Variants in KAT2B observed in about 807,000 individuals in gnomAD.
KAT2B encodes lysine acetyltransferase 2B.
KAT2B carries 36 observed loss-of-function variants against 105.9 expected under a neutral mutation model. The ratio of observed to expected loss-of-function variants is 0.34; its 90% confidence interval spans 0.26 to 0.45. KAT2B has a LOEUF of 0.45. KAT2B is among the 20% of genes least tolerant of loss of function. KAT2B has a pLI of 1.00. For missense variants in KAT2B, 820 were observed against 1,021.6 expected (o/e 0.80, Z 2.69); for synonymous variants, 397 against 377.9 (o/e 1.05, Z -0.59).
At chr3:20,068,408 C>T (rs1325864554) in intron 1 of KAT2B, among the ~76,000 whole-genome samples, 4 of 149,948 alleles carry the variant, frequency 2.7e-5, no homozygotes, top group South Asian at 2.1e-4. Flanking sequence ...CTGTGTTTCC[C>T]TTATACTAGA....
intron 1 of KAT2B, among the ~76,000 whole-genome samples, chr3:20,071,252 C>G (rs1428851890): frequency 6.6e-6 from 1 of 152,132 alleles, no homozygotes; most frequent in Non-Finnish European, 1.5e-5. Context: ...TGCTCAATAG[C>G]CACATGTGGC....
chr3:20,093,777 C>T, intron 2 of KAT2B, among the ~76,000 whole-genome samples: 1 of 152,288 alleles, frequency 6.6e-6, no homozygotes, highest in South Asian at 2.1e-4. Flanking sequence ...TAGAGCTATA[C>T]CTAAGAGGAT....
At chr3:20,044,415 TA>T (rs35278480) in intron 1 of KAT2B, among the ~76,000 whole-genome samples, 21 of 145,200 alleles carry the variant, frequency 1.4e-4, no homozygotes, top group African/African-American at 1.5e-4. Context: ...AGATTCTCCC[TA>T]AAAAAAAAAA....
In KAT2B at chr3:20,052,670, A is replaced by G. The variant is rs1202268678; in HGVS notation, c.303+11890A>G. ...CATCTCTTAAAAAAAAGAAAAAAAA[A>G]AAAGAGAGAAAAAGAGGCCGGGCAC... On this transcript the variant is annotated intron_variant, in intron 1 of 17. Transcript: ENST00000263754. 4.0e-5 allele frequency among the ~76,000 whole-genome samples: 6 copies of G among 151,652 alleles called. No individual in the cohort carries two copies. In the East Asian group the frequency reaches 1.2e-3, roughly 29 times the overall value.
At chr3:20,100,085 A>G (rs1034195813) in intron 4 of KAT2B, 131 bp downstream of exon 4, 1 of 596,490 alleles carries the variant, frequency 1.7e-6, no homozygotes, top group African/African-American at 1.9e-5. Flanking sequence ...GTCTGTGGAA[A>G]TTGTCCTGGA....
At chr3:20,109,458 AG>A (rs1469945566) in intron 5 of KAT2B, among the ~76,000 whole-genome samples, 1 of 152,186 alleles carries the variant, frequency 6.6e-6, no homozygotes. Flanking sequence ...CTAGGAATAT[AG>A]GTATGTGCCA....
intron 1 of KAT2B, among the ~76,000 whole-genome samples, chr3:20,071,525 A>G (rs1698321997): frequency 6.6e-6 from 1 of 152,238 alleles, no homozygotes; most frequent in African/African-American, 2.4e-5. Context: ...GCTGAAGCAT[A>G]CAGTGTGGTA....
At chr3:20,116,911 G>T (rs1368536162) in intron 7 of KAT2B, among the ~76,000 whole-genome samples, 1 of 152,168 alleles carries the variant, frequency 6.6e-6, no homozygotes, top group African/African-American at 2.4e-5. Context: ...ACTGTATTAA[G>T]AGAGCCAGAA....
At chr3:20,144,941 G>A (rs776232228) in intron 13 of KAT2B, among the ~76,000 whole-genome samples, 8 of 151,766 alleles carry the variant, frequency 5.3e-5, no homozygotes, top group Non-Finnish European at 1.0e-4. Context: ...GATTACAGGC[G>A]TGCACTACCA....
At chr3:20,106,197 C>A (rs1200019576) in intron 5 of KAT2B, among the ~76,000 whole-genome samples, 1 of 152,188 alleles carries the variant, frequency 6.6e-6, no homozygotes, top group Non-Finnish European at 1.5e-5. Context: ...TGTGAAAAAT[C>A]TGGGAGTTAT....
At position 20,110,130 on chromosome 3, in the gene KAT2B, C is replaced by T. The variant is rs982206523; in HGVS notation, c.852-1466C>T. ...TGGGAGCTTTTTGTAGCAGCTTGGG[C>T]GCATTAGAAAGCTGTCTCCCATTTG... On this transcript the variant is annotated intron_variant, in intron 5 of 17. Transcript: ENST00000263754. Among the ~76,000 whole-genome samples the T allele has an allele frequency of 3.5e-4, 54 of 152,142 alleles. 1 individual carries two copies. The highest frequency in any genetic ancestry group is 6.8e-3 in the Middle Eastern group (2 of 294).
intron 2 of KAT2B, among the ~76,000 whole-genome samples, chr3:20,074,011 A>G (rs1280714408): frequency 6.6e-6 from 1 of 152,194 alleles, no homozygotes; most frequent in Admixed American, 6.5e-5. Context: ...AAAAAAGCCA[A>G]CTTTGTTTCC....
At chr3:20,103,606 G>A (rs1022926545) in intron 5 of KAT2B, among the ~76,000 whole-genome samples, 1 of 151,834 alleles carries the variant, frequency 6.6e-6, no homozygotes, top group East Asian at 1.9e-4. Context: ...ATGGGGTCTC[G>A]CTGTGTTGCC....
chr3:20,063,580 T>A (rs1698175982), intron 1 of KAT2B, among the ~76,000 whole-genome samples: 1 of 141,074 alleles, frequency 7.1e-6, no homozygotes. Context: ...GGTTGCTCTG[T>A]TGCCCAGGCT....
intron 2 of KAT2B, among the ~76,000 whole-genome samples, chr3:20,074,012 C>A (rs2125182378): frequency 1.3e-5 from 2 of 152,316 alleles, no homozygotes; most frequent in East Asian, 3.9e-4. Context: ...AAAAAGCCAA[C>A]TTTGTTTCCT....
chr3:20,148,207 T>TAA, intron 15 of KAT2B, 36 bp from the exon 16 acceptor site: 1 of 1,573,174 alleles, frequency 6.4e-7, no homozygotes, highest in Non-Finnish European at 8.7e-7. Flanking sequence ...GGTAAAACTC[T>TAA]AATCATTGCT....
intron 3 of KAT2B, 103 bp from the exon 4 acceptor site, chr3:20,099,757 GTA>G (rs1698875670): frequency 8.2e-6 from 5 of 611,400 alleles, no homozygotes; most frequent in Admixed American, 2.8e-5. Context: ...GTGTGTGTGT[GTA>G]AGAGAGAGAG....
chr3:20,152,013 CAGT>C (rs1699877205), intron 17 of KAT2B, among the ~76,000 whole-genome samples: 2 of 152,122 alleles, frequency 1.3e-5, no homozygotes, highest in Admixed American at 6.5e-5. Context: ...GAATAGCTAA[CAGT>C]AGTCAGTTCA....
chr3:20,146,191 C>T, intron 13 of KAT2B, 125 bp from the exon 14 acceptor site: 2 of 654,320 alleles, frequency 3.1e-6, no homozygotes, highest in Non-Finnish European at 5.5e-6. Flanking sequence ...AGCATTCACC[C>T]CTTTCTCCCA....
Sources: gnomAD v4.1 joint callset for allele counts (sites outside exome capture counted in the v4.1 genomes callset) on GRCh38, gnomAD v4.1.1 for gene constraint, MANE v1.5 for transcripts, NCBI Gene and HGNC (gene_info 2026-07-23, HGNC 2026-07-21) for gene names.